TMEM80: variants seen among roughly 807,000 people sequenced by gnomAD.
TMEM80 encodes transmembrane protein 80.
TMEM80 carries 16 observed loss-of-function variants against 13.6 expected under a neutral mutation model. The ratio of observed to expected loss-of-function variants is 1.17; its 90% CI spans 0.79 to 1.78. The LOEUF (loss-of-function observed/expected upper bound fraction) is 1.78, where lower values mean the gene tolerates loss of function less well. Among genes scored for constraint, TMEM80 ranks in the 40% most tolerant of loss-of-function variants. The probability of loss-of-function intolerance (pLI) is 0.00; values close to 1 mark genes in which losing one functional copy is unlikely to be tolerated. For synonymous variants in TMEM80, 92 were observed against 89.5 expected (o/e 1.03, Z -0.16); for missense variants, 167 against 184.6 (o/e 0.90, Z 0.55).
At chr11:702,124 G>A (rs1262400584) in intron 4 of TMEM80, among the ~76,000 whole-genome samples, 5 of 152,164 alleles carry the variant, frequency 3.3e-5, no homozygotes, top group East Asian at 3.9e-4. Context: ...CCAAGGCTGC[G>A]GGGAAGGGTG....
rs1861326983 is a variant in TMEM80 at position 699,033 on chromosome 11, G to C, written c.39+145G>C. Reference sequence around the variant, plus strand: ...AGGGGGGTGTTCCTTGACAGATTTAGAGAGTTGATGTAACTTCCTCGGATC... The same window carrying C: ...AGGGGGGTGTTCCTTGACAGATTTACAGAGTTGATGTAACTTCCTCGGATC... On this transcript the variant is annotated intron_variant, in intron 2 of 4. Transcript: ENST00000397510. 5 of 941,946 alleles carry C rather than the reference G, an allele frequency of 5.3e-6. 1 individual carries two copies. Among genetic ancestry groups the C allele is most frequent in the Non-Finnish European group, 6.8e-6 (4 of 592,002 alleles). 58.3% of individuals were successfully genotyped at this position (941,946 alleles called of 1,614,324 possible). A position where few individuals can be genotyped will look rare whatever the true frequency, so the allele number is the denominator to read the frequency against.
chr11:702,632 A>T (rs927994115), intron 4 of TMEM80, among the ~76,000 whole-genome samples: 1 of 152,254 alleles, frequency 6.6e-6, no homozygotes, highest in African/African-American at 2.4e-5. Flanking sequence ...AACGTGGCAG[A>T]TGCACTTGAA....
chr11:695,918 G>A (rs1861123067), intron 1 of TMEM80, 72 bp downstream of exon 1: 1 of 1,147,058 alleles, frequency 8.7e-7, no homozygotes, highest in Non-Finnish European at 1.1e-6. Flanking sequence ...GTGACAATCC[G>A]GTTTCCGCTT....
chr11:703,344 G>C lies in TMEM80; in HGVS notation c.*194G>C, dbSNP rs772322786. ...GGCAGAACAAACTGCTGGAGGCCCTGGTGTTGGGAACAGCTGCGGGGAGGG... is the reference window on the plus strand; with the variant it reads ...GGCAGAACAAACTGCTGGAGGCCCTCGTGTTGGGAACAGCTGCGGGGAGGG... On this transcript the variant is annotated 3_prime_UTR_variant, in exon 5 of 5. Coordinates refer to ENST00000397510, the MANE Select transcript of TMEM80 (RefSeq NM_001042463.3). 478 of 1,398,954 alleles carry C rather than the reference G, an allele frequency of 3.4e-4. No individual in the cohort carries two copies. Among genetic ancestry groups the C allele is most frequent in the Non-Finnish European group, 4.0e-4 (434 of 1,078,662 alleles). 86.7% of individuals were successfully genotyped at this position (1,398,954 alleles called of 1,614,324 possible). A position where few individuals can be genotyped will look rare whatever the true frequency, so the allele number is the denominator to read the frequency against.
intron 4 of TMEM80, 116 bp from the exon 5 acceptor site, chr11:702,829 G>A (rs1165694724): frequency 2.9e-5 from 30 of 1,017,024 alleles, no homozygotes; most frequent in Middle Eastern, 3.2e-4. Flanking sequence ...CCCAGGCCCC[G>A]GAGGAACGTA....
In TMEM80 at chr11:700,667, G is replaced by A. The variant is rs147542444; in HGVS notation, c.186G>A (p.Leu62=). The A allele has an allele frequency of 1.2e-6, 2 of 1,614,172 alleles. No individual in the cohort carries two copies. Among genetic ancestry groups the A allele is most frequent in the African/African-American group, 2.7e-5 (2 of 75,026 alleles). The change falls in exon 4 of 5, where the codon CTG becomes CTA. Residue 62 remains leucine (L), a synonymous_variant. Coordinates refer to ENST00000397510, the MANE Select transcript of TMEM80 (RefSeq NM_001042463.3). ...HRYLVLDLAL[L]FLMGILEAVR... is the part of the protein sequence containing the mutation. ...ACCTGGTCCTCGATCTTGCTCTGCT[G>A]TTTCTGATGGGGATTCTAGAAGCAG... is the stretch of plus-strand genomic sequence containing the variant.
intron 1 of TMEM80, 99 bp downstream of exon 1, chr11:695,945 G>T (rs949767550): frequency 2.1e-6 from 2 of 953,868 alleles, no homozygotes; most frequent in Non-Finnish European, 2.7e-6. Context: ...CGCTCACGGG[G>T]CCGTGCCACC....
chr11:695,847 G>C lies in TMEM80; in HGVS notation c.19+1G>C. 8.1e-7 allele frequency: 1 copy of C among 1,229,772 alleles called. No individual in the cohort carries two copies. Among genetic ancestry groups the C allele is most frequent in the Middle Eastern group, 3.1e-4 (1 of 3,218 alleles). The allele number at this position is 1,229,772 out of a possible 1,614,324, so 76.2% of individuals were successfully genotyped here. ...GGTAAGATGGCGGCCCCGCGGCGAG[G>C]TGAGCTCGGGCGGGGTGGGGGCTTC... is the stretch of plus-strand genomic sequence containing the variant. On this transcript the variant is annotated splice_donor_variant, in intron 1 of 4. Transcript: ENST00000397510. LOFTEE classifies it high-confidence loss of function.
chr11:704,717 G>A, downstream of TMEM80: 1 of 1,196,136 alleles, frequency 8.4e-7, no homozygotes, highest in South Asian at 1.3e-5. Flanking sequence ...GGAACGCCAT[G>A]GCTCCAGGTG....
chr11:699,929 G>C, intron 2 of TMEM80: 1 of 554,626 alleles, frequency 1.8e-6, no homozygotes, highest in South Asian at 2.1e-5. Context: ...GCATGGAGGG[G>C]GGTCCCACAA....
chr11:704,431 G>C (rs1021610448), downstream of TMEM80: 1 of 1,288,038 alleles, frequency 7.8e-7, no homozygotes, highest in Non-Finnish European at 1.0e-6. Context: ...TGACCTGTCT[G>C]TGGCCCCCAG....
chr11:704,585 AC>A (rs1268792732), downstream of TMEM80: 7 of 1,280,384 alleles, frequency 5.5e-6, no homozygotes, highest in Non-Finnish European at 7.1e-6. Context: ...CAGCCCACAA[AC>A]CATGCAGACC....
chr11:702,853 C>T, intron 4 of TMEM80, 92 bp from the exon 5 acceptor site: 2 of 1,290,076 alleles, frequency 1.6e-6, no homozygotes, highest in Non-Finnish European at 2.1e-6. Context: ...CAAGGAGCTG[C>T]TCTGGTCCCA....
In TMEM80 at chr11:703,096, T is replaced by C; in HGVS notation, c.378T>C (p.Leu126=). ...DWALSATLLA[L]HGLEAVLQVV... is the part of the protein sequence containing the mutation. ...CCCTCAGCGCCACGCTCCTGGCCCT[T>C]CACGGCCTGGAGGCCGTCCTGCAGG... Residue 126 remains leucine (L), a synonymous_variant, in exon 5 of 5, where the codon CTT becomes CTC. Transcript: ENST00000397510. 1 of 1,611,702 alleles carries C rather than the reference T, an allele frequency of 6.2e-7. No homozygotes were observed. The highest frequency in any genetic ancestry group is 1.1e-5 in the South Asian group (1 of 90,890).
intron 2 of TMEM80, chr11:699,162 C>A: frequency 2.1e-6 from 1 of 480,286 alleles, no homozygotes; most frequent in Non-Finnish European, 3.7e-6. Context: ...CTGTCTCGGC[C>A]GCTAGTGGCA....
In TMEM80 at chr11:700,144, C is replaced by G. The variant is rs965585803; in HGVS notation, c.42C>G (p.Leu14=). 1.2e-6 allele frequency: 2 copies of G among 1,613,992 alleles called. No individual in the cohort carries two copies. Among genetic ancestry groups the G allele is most frequent in the Non-Finnish European group, 1.7e-6 (2 of 1,179,962 alleles). ...GAGGATCCTTAACCACTCACCAGCT[C>G]TCTTCAGTTCCCCTTCAAATGCTGT... is the stretch of plus-strand genomic sequence containing the variant. The part of the protein sequence containing the change: ...PRRGRGSSTV[L]SSVPLQMLFY... Residue 14 remains leucine, a splice_region_variant and synonymous_variant, in exon 3 of 5, where the codon CTC becomes CTG. Coordinates refer to ENST00000397510, the MANE Select transcript of TMEM80 (RefSeq NM_001042463.3).
chr11:701,674 G>A (rs1435232094), intron 4 of TMEM80, among the ~76,000 whole-genome samples: 1 of 152,062 alleles, frequency 6.6e-6, no homozygotes, highest in Non-Finnish European at 1.5e-5. Context: ...CTCCCAAAGT[G>A]CTGGGATTAC....
downstream of TMEM80, chr11:704,326 G>C: frequency 3.8e-6 from 3 of 788,282 alleles, no homozygotes; most frequent in South Asian, 4.8e-5. Context: ...GGCTCCCTCG[G>C]CTGGGGTGGC....
intron 4 of TMEM80, chr11:701,013 C>G: frequency 2.2e-6 from 1 of 451,298 alleles, no homozygotes; most frequent in Non-Finnish European, 4.1e-6. Flanking sequence ...ACATCTGGAG[C>G]TCCGGAATAT....
Sources: allele counts gnomAD v4.1 joint callset (sites outside exome capture counted in the v4.1 genomes callset), GRCh38; gene constraint gnomAD v4.1.1; transcripts MANE v1.5; gene names NCBI Gene and HGNC (gene_info 2026-07-23, HGNC 2026-07-21).